Variants in DLG2 observed in about 807,000 individuals in gnomAD.
DLG2 encodes the protein discs large MAGUK scaffold protein 2, also known as disks large homolog 2.
A neutral mutation model predicts 132.5 loss-of-function variants in DLG2; 45 were observed. The observed-to-expected ratio is 0.34, with a 90% CI of 0.27 to 0.44. The LOEUF is 0.44. DLG2 is among the 20% of genes least tolerant of loss of function. The pLI, the probability that DLG2 is intolerant of heterozygous loss-of-function variation, is 1.00. For synonymous variants in DLG2, 424 were observed against 419.6 expected, an observed-to-expected ratio of 1.01 and a Z score of -0.13; for missense variants, 1,045 against 1,196.9, an observed-to-expected ratio of 0.87 and a Z score of 1.87.
Position 84,592,582 on chromosome 11 carries a change from A to G in DLG2, c.358-57851T>C, listed in dbSNP as rs148954202. ...CAATCTATCCATCTGACAAAGGGCT[A>G]ATATCCAGAATCTACAAGGAACTTA... On this transcript the variant is annotated intron_variant, in intron 6 of 27. Transcript: ENST00000376104. 1.8e-4 allele frequency among the ~76,000 whole-genome samples: 27 copies of G among 152,268 alleles called. 1 individual carries two copies. The East Asian group carries it at 4.8e-3, about 27-fold the overall frequency.
In DLG2 at chr11:85,019,534, T is replaced by C. The variant is rs150413946; in HGVS notation, c.357+92127A>G. Among the ~76,000 whole-genome samples, 154 of 152,308 alleles carry C rather than the reference T, an allele frequency of 1.0e-3. 2 individuals carry two copies. In the East Asian group the frequency reaches 0.029, roughly 28 times the overall value. On this transcript the variant is annotated intron_variant, in intron 6 of 27. Coordinates refer to ENST00000376104, the MANE Select transcript of DLG2 (RefSeq NM_001142699.3). ...GTGCACAATGTGCAGGTTTGTTACA[T>C]ATGTATATATGTGCCATGTTGGTGT...
In DLG2 at chr11:85,623,293, C is replaced by A. The variant is rs538193817; in HGVS notation, c.-93+3294G>T. ...CTTCTACACCAGTTTAAAAGAAGCTCCGAAGACAATAGGACAATTTTTTTT... is the reference window on the plus strand; with the variant it reads ...CTTCTACACCAGTTTAAAAGAAGCTACGAAGACAATAGGACAATTTTTTTT... On this transcript the variant is annotated intron_variant, in intron 2 of 27. Transcript: ENST00000376104. Among the ~76,000 whole-genome samples, 74 of 152,052 alleles carry A rather than the reference C, an allele frequency of 4.9e-4. 2 individuals are homozygous for A. The highest frequency in any genetic ancestry group is 1.6e-3 in the African/African-American group (68 of 41,508).
At chr11:85,246,147 A>G (rs2076123983) in intron 4 of DLG2, among the ~76,000 whole-genome samples, 1 of 152,020 alleles carries the variant, frequency 6.6e-6, no homozygotes, top group Non-Finnish European at 1.5e-5. Context: ...AAATTCAGGT[A>G]TCTTTATTGA....
At chr11:85,015,854 A>T (rs2059534354) in intron 6 of DLG2, among the ~76,000 whole-genome samples, 1 of 152,142 alleles carries the variant, frequency 6.6e-6, no homozygotes, top group Non-Finnish European at 1.5e-5. Flanking sequence ...AACTCTTATA[A>T]TACTTTATGG....
intron 7 of DLG2, among the ~76,000 whole-genome samples, chr11:84,503,570 G>T (rs561585204): frequency 6.6e-6 from 1 of 152,226 alleles, no homozygotes; most frequent in Admixed American, 6.5e-5. Context: ...ATTTTCATAG[G>T]AACAGGTGAG....
intron 10 of DLG2, among the ~76,000 whole-genome samples, chr11:84,083,082 C>A (rs2096926969): frequency 6.6e-6 from 1 of 152,062 alleles, no homozygotes; most frequent in Non-Finnish European, 1.5e-5. Flanking sequence ...GAGTTCAAGA[C>A]CAGCCTGGCT....
At chr11:83,554,327 G>C (rs1206511088) in intron 19 of DLG2, among the ~76,000 whole-genome samples, 2 of 152,174 alleles carry the variant, frequency 1.3e-5, no homozygotes, top group Non-Finnish European at 2.9e-5. Flanking sequence ...ATGTTTGTAA[G>C]ACTTGGGAAC....
chr11:83,942,188 A>T (rs1419016649), intron 14 of DLG2, among the ~76,000 whole-genome samples: 1 of 152,224 alleles, frequency 6.6e-6, no homozygotes, highest in Non-Finnish European at 1.5e-5. Context: ...ATTTGATGAC[A>T]TAAAAAGACA....
intron 4 of DLG2, among the ~76,000 whole-genome samples, chr11:85,155,481 G>A (rs1369343793): frequency 6.6e-6 from 1 of 152,178 alleles, no homozygotes; most frequent in African/African-American, 2.4e-5. Context: ...AAGGATCAGA[G>A]ACTTCTAGGC....
intron 8 of DLG2, among the ~76,000 whole-genome samples, chr11:84,209,096 A>T (rs1252933851): frequency 6.6e-6 from 1 of 152,224 alleles, no homozygotes; most frequent in East Asian, 1.9e-4. Flanking sequence ...ACACTAGTTT[A>T]ACCACGTGAT....
At chr11:84,251,882 C>T (rs1248433996) in intron 7 of DLG2, among the ~76,000 whole-genome samples, 1 of 151,824 alleles carries the variant, frequency 6.6e-6, no homozygotes, top group Non-Finnish European at 1.5e-5. Context: ...TTGTGATCTA[C>T]CCACCTCGGA....
At chr11:85,238,061 G>A (rs1517317) in intron 4 of DLG2, among the ~76,000 whole-genome samples, 92,901 of 151,492 alleles carry the variant, frequency 0.61, 29,023 homozygotes, top group Middle Eastern at 0.73. Context: ...GAATAGGGCA[G>A]GTTTGTCCGC....
chr11:84,947,293 T>C (rs985171226), intron 6 of DLG2, among the ~76,000 whole-genome samples: 5 of 151,960 alleles, frequency 3.3e-5, no homozygotes, highest in Non-Finnish European at 7.4e-5. Flanking sequence ...CACTGGAGGG[T>C]TCTATTTGGC....
intron 21 of DLG2, among the ~76,000 whole-genome samples, chr11:83,484,911 C>T (rs1174496326): frequency 6.6e-6 from 1 of 151,954 alleles, no homozygotes; most frequent in Admixed American, 6.6e-5. Context: ...CAATAATTAA[C>T]AATAATTTAG....
intron 6 of DLG2, among the ~76,000 whole-genome samples, chr11:85,066,214 T>A (rs541534443): frequency 6.6e-6 from 1 of 151,630 alleles, no homozygotes; most frequent in South Asian, 2.1e-4. Context: ...ATGAACAAAT[T>A]CCTGGAAACA....
intron 17 of DLG2, among the ~76,000 whole-genome samples, chr11:83,799,086 T>C (rs2043624683): frequency 6.6e-6 from 1 of 152,192 alleles, no homozygotes; most frequent in Non-Finnish European, 1.5e-5. Context: ...AACAAGGTGA[T>C]ACATAAACTA....
chr11:85,138,329 T>G (rs74624026), intron 5 of DLG2, among the ~76,000 whole-genome samples: 4,740 of 152,238 alleles, frequency 0.031, 93 homozygotes, highest in Admixed American at 0.045. Flanking sequence ...TTACATAAAC[T>G]TTGTTGAACA....
chr11:84,612,754 C>T (rs535796841), intron 6 of DLG2, among the ~76,000 whole-genome samples: 2 of 152,058 alleles, frequency 1.3e-5, no homozygotes, highest in East Asian at 3.9e-4. Flanking sequence ...TATACACATA[C>T]ACACATTCCT....
At chr11:85,073,574 C>T (rs558275956) in intron 6 of DLG2, among the ~76,000 whole-genome samples, 37 of 151,876 alleles carry the variant, frequency 2.4e-4, no homozygotes, top group African/African-American at 8.4e-4. Flanking sequence ...TCACTAGTAC[C>T]ACCTGTAAAT....
Sources: allele counts gnomAD v4.1 joint callset (sites outside exome capture counted in the v4.1 genomes callset), GRCh38; gene constraint gnomAD v4.1.1; transcripts MANE v1.5; gene names NCBI Gene and HGNC (gene_info 2026-07-23, HGNC 2026-07-21).